The following SERINC5 variants were observed in gnomAD, a reference collection of about 807,000 sequenced individuals.
SERINC5 encodes serine incorporator 5, also known as chromosome 5 open reading frame 12.
Under a neutral mutation model 63.1 loss-of-function variants are expected in SERINC5, and 41 were observed. That is an observed-to-expected ratio of 0.65 (90% CI 0.51 to 0.84). SERINC5 has a LOEUF of 0.84. Ranked by LOEUF, SERINC5 falls within the 40% of genes least tolerant of loss-of-function variation. SERINC5 has a pLI of 0.00. For synonymous variants in SERINC5, 222 were observed against 215.2 expected, an observed-to-expected ratio of 1.03 and a Z score of -0.28; for missense variants, 523 against 573.0, an observed-to-expected ratio of 0.91 and a Z score of 0.89.
At chr5:80,157,848 G>C (rs529439963) in intron 8 of SERINC5, 19 of 152,280 alleles carry the variant, frequency 1.2e-4, no homozygotes, top group African/African-American at 4.1e-4. Flanking sequence ...TTTATTGCTT[G>C]ATGTGTGACC....
At chr5:80,135,029 G>A (rs891778041), downstream of SERINC5, among the ~76,000 whole-genome samples, 14 of 152,190 alleles carry the variant, frequency 9.2e-5, 1 homozygote, top group Admixed American at 5.9e-4. Context: ...ACCATTTACT[G>A]GCAGGAAATA....
intron 10 of SERINC5, 89 bp downstream of exon 10, chr5:80,147,156 T>A: frequency 8.3e-7 from 1 of 1,198,768 alleles, no homozygotes; most frequent in Non-Finnish European, 1.2e-6. Context: ...CTATTCAAGT[T>A]ATTTGTGTCT....
chr5:80,152,278 A>G (rs1383817514), intron 8 of SERINC5, among the ~76,000 whole-genome samples: 1 of 152,150 alleles, frequency 6.6e-6, no homozygotes, highest in East Asian at 1.9e-4. Context: ...TGGCAGGTAG[A>G]TCGCTTGAGC....
chr5:80,250,032 A>G (rs540493355), intron 1 of SERINC5, among the ~76,000 whole-genome samples: 1 of 152,288 alleles, frequency 6.6e-6, no homozygotes, highest in South Asian at 2.1e-4. Flanking sequence ...TCCAATCACT[A>G]TAAACAAAGA....
At position 80,248,145 on chromosome 5, in the gene SERINC5, C is replaced by G. The variant is rs1180768690; in HGVS notation, c.27+7751G>C. The stretch of plus-strand genomic sequence containing the variant: ...GGGATTACAGGCATGAGCCACCTTG[C>G]CTGGCCTCATGATGAAGTTTAATTT... On this transcript the variant is annotated intron_variant, in intron 1 of 11. Transcript: ENST00000507668. 9.2e-5 allele frequency among the ~76,000 whole-genome samples: 14 copies of G among 152,284 alleles called. No homozygotes were observed. In the South Asian group the frequency reaches 2.7e-3, roughly 29 times the overall value.
chr5:80,215,269 A>T (rs112968453), intron 1 of SERINC5, among the ~76,000 whole-genome samples: 1,791 of 148,828 alleles, frequency 0.012, 41 homozygotes, highest in African/African-American at 0.041. Flanking sequence ...GATATCTCCC[A>T]CTCTCTCTCT....
At chr5:80,114,301 G>A (rs1744244726) in intron 11 of SERINC5, among the ~76,000 whole-genome samples, 1 of 151,976 alleles carries the variant, frequency 6.6e-6, no homozygotes, top group African/African-American at 2.4e-5. Context: ...GGGAAGCAAG[G>A]CACATCTTAC....
chr5:80,221,116 A>G (rs1409388792), intron 1 of SERINC5, among the ~76,000 whole-genome samples: 3 of 152,180 alleles, frequency 2.0e-5, no homozygotes, highest in Non-Finnish European at 4.4e-5. Flanking sequence ...GGGGCTCATG[A>G]ACAGCTGCCT....
intron 2 of SERINC5, among the ~76,000 whole-genome samples, chr5:80,194,936 C>T (rs1749409076): frequency 6.6e-6 from 1 of 152,152 alleles, no homozygotes; most frequent in Admixed American, 6.6e-5. Flanking sequence ...CAGCTCCTCA[C>T]CTGTCAAACG....
chr5:80,150,922 G>A lies in SERINC5; in HGVS notation c.1013C>T (p.Ser338Phe). ...SCLTSTTRSS[S>F]DALQGRYAAP... ...TGCGTATCGCCCCTGCAGAGCGTCA[G>A]AACTCGATCTTGTTGTTGATGTCAA... The change falls in exon 9 of 12, where the codon TCT becomes TTT. Residue 338 changes from serine (S) to phenylalanine (F), a missense_variant. By Grantham distance (155) the Ser-to-Phe change is radical. Coordinates refer to ENST00000507668, the MANE Select transcript of SERINC5 (RefSeq NM_001174072.3). 1 of 1,613,622 alleles carries A rather than the reference G, an allele frequency of 6.2e-7. No individual in the cohort carries two copies. Among genetic ancestry groups the A allele is most frequent in the Non-Finnish European group, 8.5e-7 (1 of 1,179,560 alleles).
At chr5:80,120,298 G>A (rs946221909) in intron 11 of SERINC5, among the ~76,000 whole-genome samples, 3 of 152,134 alleles carry the variant, frequency 2.0e-5, no homozygotes, top group African/African-American at 7.2e-5. Context: ...TCTTGGCAAA[G>A]GCTTAAGGAA....
intron 1 of SERINC5, among the ~76,000 whole-genome samples, chr5:80,225,294 T>C (rs955548502): frequency 7.2e-5 from 11 of 152,198 alleles, no homozygotes; most frequent in African/African-American, 2.4e-4. Context: ...ACCTCTATTA[T>C]AATGAGAAAG....
intron 12 of SERINC5, among the ~76,000 whole-genome samples, chr5:80,112,714 A>G (rs1014340260): frequency 2.6e-5 from 4 of 152,066 alleles, no homozygotes; most frequent in Admixed American, 1.3e-4. Context: ...TGGGAGGCCG[A>G]GGTAGGAGGT....
At chr5:80,232,741 G>A (rs765408917) in intron 1 of SERINC5, among the ~76,000 whole-genome samples, 3 of 149,894 alleles carry the variant, frequency 2.0e-5, no homozygotes, top group African/African-American at 4.9e-5. Flanking sequence ...CCAAGATCAC[G>A]CCACTGCACT....
chr5:80,200,671 A>G (rs1207171983), intron 2 of SERINC5, among the ~76,000 whole-genome samples: 2 of 152,170 alleles, frequency 1.3e-5, no homozygotes, highest in Non-Finnish European at 2.9e-5. Flanking sequence ...CATATCCAAG[A>G]CCATACAACC....
intron 2 of SERINC5, among the ~76,000 whole-genome samples, chr5:80,186,633 C>T (rs892778073): frequency 3.9e-5 from 6 of 152,118 alleles, no homozygotes; most frequent in East Asian, 1.9e-4. Flanking sequence ...AGAAAATTCA[C>T]GTAATTTTGT....
chr5:80,153,935 T>C (rs1206225096), intron 8 of SERINC5, among the ~76,000 whole-genome samples: 5 of 152,202 alleles, frequency 3.3e-5, no homozygotes, highest in African/African-American at 9.7e-5. Flanking sequence ...GCAGATGCTT[T>C]TGAAGCTGGC....
chr5:80,193,406 CTG>C (rs1160534486), intron 2 of SERINC5, among the ~76,000 whole-genome samples: 3 of 152,182 alleles, frequency 2.0e-5, no homozygotes, highest in African/African-American at 7.2e-5. Context: ...GAGGCCCTGT[CTG>C]TGGACAGTTG....
intron 1 of SERINC5, among the ~76,000 whole-genome samples, chr5:80,224,939 T>G (rs1253584564): frequency 6.7e-5 from 5 of 74,256 alleles, no homozygotes; most frequent in Non-Finnish European, 1.4e-4. Flanking sequence ...TTTTTTGTTT[T>G]TTTTTGTTTT....
Sources: allele counts gnomAD v4.1 joint callset (sites outside exome capture counted in the v4.1 genomes callset), GRCh38; gene constraint gnomAD v4.1.1; transcripts MANE v1.5; gene names NCBI Gene and HGNC (gene_info 2026-07-23, HGNC 2026-07-21).